The following OAS2 variants were observed in gnomAD, a reference collection of about 807,000 sequenced individuals.
The protein encoded by OAS2 is 2'-5'-oligoadenylate synthase 2.
In OAS2, 67 loss-of-function variants were observed where a neutral mutation model predicts 71.3. The observed-to-expected ratio is 0.94, with a 90% confidence interval of 0.77 to 1.15. The LOEUF (loss-of-function observed/expected upper bound fraction) is 1.15. Among genes scored for constraint, OAS2 ranks in the 50% most tolerant of loss-of-function variants. The probability of loss-of-function intolerance (pLI) is 0.00; values close to 1 mark genes in which losing one functional copy is unlikely to be tolerated. For synonymous variants in OAS2, 327 were observed against 321.8 expected (o/e 1.02, Z -0.17); for missense variants, 789 against 822.5 (o/e 0.96, Z 0.50).
chr12:113,006,214 G>A (rs532810748), intron 7 of OAS2, among the ~76,000 whole-genome samples, 199 bp from the exon 8 acceptor site: 297 of 152,282 alleles, frequency 2.0e-3, no homozygotes, highest in Non-Finnish European at 3.5e-3. Flanking sequence ...AATACCAGCT[G>A]CACCTGTGTA....
At chr12:112,994,529 C>T (rs1403743232) in intron 2 of OAS2, among the ~76,000 whole-genome samples, 2 of 152,118 alleles carry the variant, frequency 1.3e-5, no homozygotes, top group Non-Finnish European at 2.9e-5. Flanking sequence ...TCAAGGAGTT[C>T]GCATGCCTTA....
At chr12:112,985,775 T>A (rs898897930) in intron 1 of OAS2, among the ~76,000 whole-genome samples, 5 of 152,206 alleles carry the variant, frequency 3.3e-5, no homozygotes, top group African/African-American at 4.8e-5. Flanking sequence ...AATGTAACAG[T>A]CACTTCTCCA....
In OAS2 at chr12:112,987,015, A is replaced by G. The variant is rs758043008; in HGVS notation, c.178-23A>G. 1.4e-5 allele frequency: 23 copies of G among 1,593,476 alleles called. No individual in the cohort carries two copies. In the East Asian group the frequency reaches 4.3e-4, roughly 30 times the overall value. ...GTAACCCCAGAATCTAGTGTCTCATATCTGCTTCTTTGTCACTGGCAGGGT... is the reference window on the plus strand; with the variant it reads ...GTAACCCCAGAATCTAGTGTCTCATGTCTGCTTCTTTGTCACTGGCAGGGT... On this transcript the variant is annotated intron_variant, in intron 1 of 9. Coordinates refer to ENST00000392583, the MANE Select transcript of OAS2 (RefSeq NM_002535.3).
intron 5 of OAS2, 66 bp downstream of exon 5, chr12:112,998,476 G>C (rs1363400718): frequency 1.9e-6 from 3 of 1,546,386 alleles, no homozygotes; most frequent in Non-Finnish European, 1.7e-6. Flanking sequence ...ACCCAGGCTA[G>C]GTCTTATCTG....
At position 112,987,316 on chromosome 12, in the gene OAS2, T is replaced by C; in HGVS notation, c.448+8T>C. Reference sequence around the variant, plus strand: ...CCGCCTTCAACGCTCTGAGTAAGCATTGCTGGGTGTCAGGAGAGAAAAGCC... The same window carrying C: ...CCGCCTTCAACGCTCTGAGTAAGCACTGCTGGGTGTCAGGAGAGAAAAGCC... On this transcript the variant is annotated splice_region_variant and intron_variant, in intron 2 of 9. Transcript: ENST00000392583. The C allele has an allele frequency of 6.2e-7, 1 of 1,613,964 alleles. No homozygotes were observed. Among genetic ancestry groups the C allele is most frequent in the Non-Finnish European group, 8.5e-7 (1 of 1,179,948 alleles).
chr12:112,979,099 G>A (rs1285162891), intron 1 of OAS2, among the ~76,000 whole-genome samples: 1 of 152,222 alleles, frequency 6.6e-6, no homozygotes, highest in East Asian at 1.9e-4. Flanking sequence ...TGAATTCACT[G>A]TGATTACTCA....
In OAS2 at chr12:113,005,098, G is replaced by C. The variant is rs772920846; in HGVS notation, c.1344G>C (p.Glu448Asp). ...QLKAFWREKEEELEVSFEPPK... is the reference protein window; with the variant it reads ...QLKAFWREKEDELEVSFEPPK... ...AAGCCTTTTGGAGGGAGAAGGAGGAGGAGCTTGAAGTCAGCTTTGAGCCTC... is the reference window on the plus strand; with the variant it reads ...AAGCCTTTTGGAGGGAGAAGGAGGACGAGCTTGAAGTCAGCTTTGAGCCTC... The change falls in exon 7 of 10, where the codon GAG (glutamate) becomes GAC (aspartate). Residue 448 changes from glutamate to aspartate, a missense_variant. By Grantham distance (45) the Glu-to-Asp change is conservative. Transcript: ENST00000392583. 9.3e-6 allele frequency: 15 copies of C among 1,614,034 alleles called. No homozygotes were observed. In the African/African-American group the frequency reaches 1.3e-4, roughly 14 times the overall value.
Position 113,009,174 on chromosome 12 carries a change from G to T in OAS2, c.1983G>T (p.Lys661Asn), listed in dbSNP as rs1429377709. ...GGCATCTTCTGGCAAAAGAAGCAAA[G>T]GAATGGTTATCCTCTCCCTGCTTCA... ...WCWHLLAKEAKEWLSSPCFKD... is the reference protein window; with the variant it reads ...WCWHLLAKEANEWLSSPCFKD... Residue 661 changes from lysine (K) to asparagine (N), a missense_variant, in exon 10 of 10, where the codon AAG (lysine) becomes AAT (asparagine). Physicochemically the swap from Lys to Asn is moderately conservative, Grantham distance 94. Transcript: ENST00000392583. 1.2e-6 allele frequency: 2 copies of T among 1,614,092 alleles called. No homozygotes were observed. The highest frequency in any genetic ancestry group is 8.5e-7 in the Non-Finnish European group (1 of 1,180,016).
chr12:112,987,761 C>A (rs140997978), intron 2 of OAS2: 1 of 998,864 alleles, frequency 1.0e-6, no homozygotes, highest in East Asian at 1.1e-4. Flanking sequence ...AAAAGTCCAG[C>A]TGGGGCAAGC....
At chr12:112,991,750 C>G (rs1017302169) in intron 2 of OAS2, among the ~76,000 whole-genome samples, 1 of 152,106 alleles carries the variant, frequency 6.6e-6, no homozygotes, top group East Asian at 1.9e-4. Flanking sequence ...TCCCTTTAAC[C>G]GAGTGATTTT....
rs773693282 is a variant in OAS2 at position 112,987,341 on chromosome 12, C to A, written c.448+33C>A. The A allele has an allele frequency of 1.9e-6, 3 of 1,612,768 alleles. No homozygotes were observed. The South Asian group carries it at 3.3e-5, about 18-fold the overall frequency. On this transcript the variant is annotated intron_variant, in intron 2 of 9. Coordinates refer to ENST00000392583, the MANE Select transcript of OAS2 (RefSeq NM_002535.3). ...TTGCTGGGTGTCAGGAGAGAAAAGC[C>A]AAAGAAGCGGGTGCCAGACAGCTCT...
chr12:113,000,503 C>A (rs1263585107), intron 5 of OAS2, among the ~76,000 whole-genome samples: 1 of 148,048 alleles, frequency 6.8e-6, no homozygotes, highest in Non-Finnish European at 1.5e-5. Context: ...CACACACGTA[C>A]ATGCATACAC....
chr12:113,002,547 G>A (rs2044298702), intron 5 of OAS2, among the ~76,000 whole-genome samples: 1 of 152,228 alleles, frequency 6.6e-6, no homozygotes, highest in African/African-American at 2.4e-5. Flanking sequence ...TACAGCAAAT[G>A]GGAAGACAGG....
chr12:112,993,447 A>G (rs2044208831), intron 2 of OAS2, among the ~76,000 whole-genome samples: 1 of 152,170 alleles, frequency 6.6e-6, no homozygotes, highest in Admixed American at 6.5e-5. Context: ...ATTTATTATC[A>G]TTATGGGGGA....
Position 113,008,053 on chromosome 12 carries a change from G to T in OAS2, c.1895+110G>T. 5 of 801,778 alleles carry T rather than the reference G, an allele frequency of 6.2e-6. No individual in the cohort carries two copies. The Admixed American group carries it at 9.7e-5, about 16-fold the overall frequency. The allele number at this position is 801,778 out of a possible 1,614,324, so 49.7% of individuals were successfully genotyped here. ...CACGATTCATTCCTTGCATGACGGG[G>T]GAAAGTGCTAGCCAACAGAACCTGT... is the stretch of plus-strand genomic sequence containing the variant. On this transcript the variant is annotated intron_variant, in intron 9 of 9. Transcript: ENST00000392583.
chr12:113,007,922 T>G lies in OAS2; in HGVS notation c.1874T>G (p.Leu625Arg). 1.2e-6 allele frequency: 2 copies of G among 1,613,998 alleles called. No individual in the cohort carries two copies. The highest frequency in any genetic ancestry group is 2.2e-5 in the South Asian group (2 of 91,080). ...FEDETVRKFL[L>R]SQLQKTRPVI... ...GATGAGACCGTGAGGAAGTTTCTACTGAGCCAGTTGCAGAAAACCAGGTGC... is the reference window on the plus strand; with the variant it reads ...GATGAGACCGTGAGGAAGTTTCTACGGAGCCAGTTGCAGAAAACCAGGTGC... Residue 625 changes from leucine to arginine, a missense_variant, in exon 9 of 10, where the codon CTG becomes CGG. By Grantham distance (102) the Leu-to-Arg change is moderately radical (BLOSUM62 -2). Transcript: ENST00000392583.
At chr12:112,996,947 A>G (rs976439139) in intron 3 of OAS2, among the ~76,000 whole-genome samples, 3 of 152,218 alleles carry the variant, frequency 2.0e-5, no homozygotes, top group Non-Finnish European at 4.4e-5. Flanking sequence ...GAACGAGGTC[A>G]GGGTTCAATC....
At chr12:112,991,744 T>C (rs1009847382) in intron 2 of OAS2, among the ~76,000 whole-genome samples, 3 of 152,198 alleles carry the variant, frequency 2.0e-5, no homozygotes, top group African/African-American at 7.2e-5. Context: ...GACTTTTCCC[T>C]TTAACCGAGT....
intron 5 of OAS2, among the ~76,000 whole-genome samples, chr12:113,002,437 C>T (rs2044297741): frequency 6.6e-6 from 1 of 152,194 alleles, no homozygotes; most frequent in Non-Finnish European, 1.5e-5. Flanking sequence ...CTTGTTATGG[C>T]AGCCTTTGGA....
Sources: gnomAD v4.1 joint callset for allele counts (sites outside exome capture counted in the v4.1 genomes callset) on GRCh38, gnomAD v4.1.1 for gene constraint, MANE v1.5 for transcripts, NCBI Gene and HGNC (gene_info 2026-07-23, HGNC 2026-07-21) for gene names.